SMC6: variants seen among roughly 807,000 people sequenced by gnomAD.
SMC6 encodes the protein structural maintenance of chromosomes protein 6.
A neutral mutation model predicts 142.2 loss-of-function variants in SMC6; 79 were observed. The ratio of observed to expected loss-of-function variants is 0.56; its 90% confidence interval spans 0.46 to 0.67. The LOEUF is 0.67. Among genes scored for constraint, SMC6 ranks in the 30% least tolerant of loss-of-function variants. The pLI, the probability that SMC6 is intolerant of heterozygous loss-of-function variation, is 0.00. For synonymous variants in SMC6, 411 were observed against 412.4 expected (o/e 1.00, Z 0.04); for missense variants, 1,072 against 1,284.0 (o/e 0.83, Z 2.52).
At chr2:17,697,649 C>T (rs1403416376) in intron 21 of SMC6, among the ~76,000 whole-genome samples, 3 of 151,982 alleles carry the variant, frequency 2.0e-5, no homozygotes, top group Non-Finnish European at 4.4e-5. Flanking sequence ...CAATGAGATA[C>T]CACTTCTCAC....
In SMC6 at chr2:17,718,125, T is replaced by G. The variant is rs1669191164; in HGVS notation, c.1044A>C (p.Ala348=). Residue 348 remains alanine, a synonymous_variant, in exon 12 of 28, where the codon GCA becomes GCC. Coordinates refer to ENST00000448223, the MANE Select transcript of SMC6 (RefSeq NM_001142286.2). ...ETNARAPECM[A]LKADVVAKKR... ...TCTTAGCAACAACATCTGCTTTCAA[T>G]GCCATACATTCTGGTGCTCGTGCAT... 4.3e-6 allele frequency: 7 copies of G among 1,611,494 alleles called. No homozygotes were observed. Among genetic ancestry groups the G allele is most frequent in the Non-Finnish European group, 4.2e-6 (5 of 1,178,498 alleles).
At chr2:17,735,163 G>A (rs1670091588) in intron 5 of SMC6, among the ~76,000 whole-genome samples, 1 of 152,054 alleles carries the variant, frequency 6.6e-6, no homozygotes, top group Non-Finnish European at 1.5e-5. Context: ...CAACTGAGCT[G>A]GGTACTAGCT....
intron 25 of SMC6, among the ~76,000 whole-genome samples, chr2:17,672,927 C>T (rs1666832000): frequency 6.6e-6 from 1 of 152,120 alleles, no homozygotes; most frequent in Non-Finnish European, 1.5e-5. Context: ...AGAAAATAAG[C>T]ACTAATTTTT....
At chr2:17,740,799 G>T (rs75044131) in intron 4 of SMC6, 4 of 403,576 alleles carry the variant, frequency 9.9e-6, no homozygotes, top group Middle Eastern at 8.0e-4. Context: ...GCATTGAGCC[G>T]AGATCGCACC....
intron 18 of SMC6, among the ~76,000 whole-genome samples, chr2:17,703,981 T>TG (rs1160355287): frequency 6.6e-6 from 1 of 152,082 alleles, no homozygotes; most frequent in Non-Finnish European, 1.5e-5. Context: ...TTGACTGCAT[T>TG]GGGGGTCAGT....
intron 16 of SMC6, among the ~76,000 whole-genome samples, chr2:17,710,289 G>T (rs1260607043): frequency 6.6e-6 from 1 of 152,218 alleles, no homozygotes; most frequent in Admixed American, 6.5e-5. Flanking sequence ...ATAGAGAAAT[G>T]AAGATGGAGA....
Position 17,753,425 on chromosome 2 carries a change from C to G in SMC6, c.-93+201G>C, listed in dbSNP as rs1046084462. On this transcript the variant is annotated intron_variant, in intron 1 of 27. Coordinates refer to ENST00000448223, the MANE Select transcript of SMC6 (RefSeq NM_001142286.2). ...AGGAGACCGGTGCCGCCTCGGAGAG[C>G]GCGCGAAGGTGCCGCCGGCCGCCCG... Among the ~76,000 whole-genome samples, 11 of 105,950 alleles carry G rather than the reference C, an allele frequency of 1.0e-4. 1 individual carries two copies. Among genetic ancestry groups the G allele is most frequent in the Admixed American group, 1.7e-4 (2 of 11,560 alleles). The allele number at this position is 105,950 out of a possible 152,430, so 69.5% of individuals were successfully genotyped here.
intron 25 of SMC6, 147 bp from the exon 26 acceptor site, chr2:17,670,722 T>C (rs1043553362): frequency 6.6e-6 from 5 of 757,332 alleles, no homozygotes; most frequent in African/African-American, 5.6e-5. Flanking sequence ...CCCATTCCTT[T>C]CAAAAAATTT....
chr2:17,717,372 C>T (rs1002249825), intron 12 of SMC6, among the ~76,000 whole-genome samples, 196 bp from the exon 13 acceptor site: 3 of 152,110 alleles, frequency 2.0e-5, no homozygotes, highest in Non-Finnish European at 4.4e-5. Context: ...TACAAAATCT[C>T]TACTTTAAAA....
intron 24 of SMC6, chr2:17,681,564 C>A (rs555269986): frequency 1.3e-5 from 2 of 152,236 alleles, no homozygotes; most frequent in African/African-American, 4.8e-5. Context: ...TATTAACTAG[C>A]CTAATTTCAA....
At chr2:17,743,885 G>A (rs1434774090) in intron 3 of SMC6, among the ~76,000 whole-genome samples, 2 of 152,046 alleles carry the variant, frequency 1.3e-5, no homozygotes, top group African/African-American at 4.8e-5. Flanking sequence ...AGTAATATAC[G>A]TTTAAGGTTC....
intron 12 of SMC6, 89 bp downstream of exon 12, chr2:17,717,988 A>C: frequency 7.4e-7 from 1 of 1,355,572 alleles, no homozygotes; most frequent in Non-Finnish European, 9.9e-7. Context: ...TATTTCAAAA[A>C]AAATAAAATA....
intron 17 of SMC6, among the ~76,000 whole-genome samples, chr2:17,708,002 A>C (rs1668634526): frequency 4.8e-5 from 2 of 41,660 alleles, no homozygotes; most frequent in Admixed American, 3.2e-4. Flanking sequence ...ATATATACAC[A>C]CACACACACA....
chr2:17,678,215 T>C (rs80080143), intron 25 of SMC6, among the ~76,000 whole-genome samples: 117 of 152,204 alleles, frequency 7.7e-4, no homozygotes, highest in African/African-American at 2.7e-3. Flanking sequence ...CTATGTACTT[T>C]CCATAAAGTC....
At chr2:17,700,172 A>G (rs754336947) in intron 21 of SMC6, 36 bp downstream of exon 21, 29 of 1,448,344 alleles carry the variant, frequency 2.0e-5, no homozygotes, top group Non-Finnish European at 1.9e-6. Flanking sequence ...ACTAAAACAT[A>G]AAATACATAC....
intron 26 of SMC6, among the ~76,000 whole-genome samples, chr2:17,667,515 A>G (rs1383792815): frequency 1.3e-5 from 2 of 152,206 alleles, no homozygotes; most frequent in Non-Finnish European, 1.5e-5. Flanking sequence ...AGTTGAAATC[A>G]TTGACATATG....
At chr2:17,721,402 T>C in intron 9 of SMC6, 141 bp from the exon 10 acceptor site, 1 of 916,904 alleles carries the variant, frequency 1.1e-6, no homozygotes, top group Middle Eastern at 3.7e-4. Flanking sequence ...TTTTTTAAAA[T>C]TATTCTTGAT....
rs180815081 is a variant in SMC6 at position 17,745,254 on chromosome 2, A to G, written c.120+573T>C. Among the ~76,000 whole-genome samples, 1,224 of 151,354 alleles carry G rather than the reference A, an allele frequency of 8.1e-3. 20 individuals carry two copies. The highest frequency in any genetic ancestry group is 0.029 in the African/African-American group (1,182 of 40,650). ...AGTGTTCTCTTATGATTTTTGGAAA[A>G]GACTGTGTAGATTCATGTTAATTCT... is the stretch of plus-strand genomic sequence containing the variant. On this transcript the variant is annotated intron_variant, in intron 3 of 27. Transcript: ENST00000448223.
At chr2:17,679,532 T>A (rs1464371930) in intron 24 of SMC6, 2 of 152,222 alleles carry the variant, frequency 1.3e-5, no homozygotes, top group Admixed American at 6.5e-5. Flanking sequence ...TAAGGAACTT[T>A]CCCTTCTTCC....
Sources: allele counts gnomAD v4.1 joint callset (sites outside exome capture counted in the v4.1 genomes callset), GRCh38; gene constraint gnomAD v4.1.1; transcripts MANE v1.5; gene names NCBI Gene and HGNC (gene_info 2026-07-23, HGNC 2026-07-21).